RERE: variants seen among roughly 807,000 people sequenced by gnomAD.
RERE encodes the protein arginine-glutamic acid dipeptide repeats protein.
RERE carries 40 observed loss-of-function variants against 146.1 expected under a neutral mutation model. That is an observed-to-expected ratio of 0.27 (90% CI 0.21 to 0.36). RERE has a LOEUF of 0.36. Among genes scored for constraint, RERE ranks in the 10% least tolerant of loss-of-function variants. RERE has a pLI of 1.00. For missense variants in RERE, 1,933 were observed against 2,138.7 expected (o/e 0.90, Z 1.90); for synonymous variants, 1,003 against 866.0 (o/e 1.16, Z -2.78).
chr1:8,802,469 G>A (rs1291814059), intron 1 of RERE, among the ~76,000 whole-genome samples: 1 of 152,214 alleles, frequency 6.6e-6, no homozygotes, highest in Non-Finnish European at 1.5e-5. Context: ...TCCAGGCTCT[G>A]TGCCTTTGCT....
intron 13 of RERE, 108 bp downstream of exon 13, chr1:8,365,704 A>AC: frequency 1.6e-6 from 2 of 1,272,004 alleles, no homozygotes; most frequent in Admixed American, 1.9e-5. Context: ...ACGGGTGCAC[A>AC]CCCCCTCATG....
chr1:8,655,943 T>A, intron 2 of RERE, 30 bp downstream of exon 2: 2 of 1,600,876 alleles, frequency 1.2e-6, no homozygotes, highest in Non-Finnish European at 8.5e-7. Flanking sequence ...ACTGTAAACA[T>A]TGGCAAGACC....
intron 10 of RERE, among the ~76,000 whole-genome samples, chr1:8,468,577 T>C (rs933268022): frequency 6.6e-6 from 1 of 152,168 alleles, no homozygotes; most frequent in African/African-American, 2.4e-5. Flanking sequence ...GTAATTATAC[T>C]GTATGGGGTA....
chr1:8,483,958 A>G (rs925901388), intron 10 of RERE, among the ~76,000 whole-genome samples: 3 of 152,238 alleles, frequency 2.0e-5, no homozygotes, highest in Non-Finnish European at 4.4e-5. Flanking sequence ...AGTTATGTTT[A>G]GTGTTGGTGA....
chr1:8,540,337 T>C (rs1021807228), intron 7 of RERE, among the ~76,000 whole-genome samples: 3 of 152,166 alleles, frequency 2.0e-5, no homozygotes, highest in African/African-American at 7.2e-5. Flanking sequence ...ACTCCTGGGC[T>C]CAAGCGCTCA....
At chr1:8,688,523 T>C (rs1639139710) in intron 1 of RERE, among the ~76,000 whole-genome samples, 1 of 150,836 alleles carries the variant, frequency 6.6e-6, no homozygotes, top group Admixed American at 6.6e-5. Flanking sequence ...ATTGTACCAC[T>C]GCACTCCAGC....
chr1:8,804,505 G>A (rs1222513960), intron 1 of RERE, among the ~76,000 whole-genome samples: 1 of 152,198 alleles, frequency 6.6e-6, no homozygotes, highest in Non-Finnish European at 1.5e-5. Context: ...TTCCTCCAGA[G>A]TAAGAGAACC....
At chr1:8,393,960 AGGCT>A (rs1212691253) in intron 12 of RERE, among the ~76,000 whole-genome samples, 1 of 152,014 alleles carries the variant, frequency 6.6e-6, no homozygotes, top group African/African-American at 2.4e-5. Context: ...TTTGCCATGA[AGGCT>A]GGCCACCTCC....
intron 12 of RERE, 35 bp from the exon 13 acceptor site, chr1:8,366,009 C>G (rs1486784499): frequency 6.2e-7 from 1 of 1,605,568 alleles, no homozygotes; most frequent in African/African-American, 1.3e-5. Context: ...GGGGGAGGGC[C>G]TGGGGCTTTT....
At chr1:8,375,737 C>CTTCCTCACTCAGCAGCCACTGAAAATGT (rs1557597443) in intron 12 of RERE, among the ~76,000 whole-genome samples, 8 of 138,870 alleles carry the variant, frequency 5.8e-5, no homozygotes, top group African/African-American at 8.8e-5. Context: ...ACTGAAAATG[C>CTTCCTCACTCAGCAGCCACTGAAAATGT]TTCCTCACTC....
rs182648977 is a variant in RERE, at chr1:8,682,215, T to C, written c.-144-25774A>G. 6.6e-4 allele frequency among the ~76,000 whole-genome samples: 101 copies of C among 152,326 alleles called. 1 individual carries two copies. Among genetic ancestry groups the C allele is most frequent in the African/African-American group, 2.4e-3 (99 of 41,580 alleles). The stretch of plus-strand genomic sequence containing the variant: ...GAAATGGGACTTGTTCCCTTCTTTA[T>C]ATTATAGGCTGTCTATAACAAAGTC... On this transcript the variant is annotated intron_variant, in intron 1 of 22. Transcript: ENST00000400908.
intron 4 of RERE, among the ~76,000 whole-genome samples, chr1:8,583,046 T>C (rs1646387136): frequency 6.6e-6 from 1 of 152,208 alleles, no homozygotes. Context: ...TCAGTATCTA[T>C]TTCTCCCTCA....
chr1:8,566,320 A>C (rs1199296619), intron 4 of RERE, among the ~76,000 whole-genome samples: 1 of 152,186 alleles, frequency 6.6e-6, no homozygotes, highest in Non-Finnish European at 1.5e-5. Flanking sequence ...GAGGAAAAAT[A>C]AAACAAAATA....
chr1:8,796,913 C>T (rs6577524), intron 1 of RERE, among the ~76,000 whole-genome samples: 132,500 of 152,168 alleles, frequency 0.87, 58,116 homozygotes, highest in African/African-American at 0.97. Context: ...TATGAGCCTC[C>T]GTTGACAACT....
chr1:8,617,015 A>G (rs1444183154), intron 3 of RERE, among the ~76,000 whole-genome samples: 1 of 152,034 alleles, frequency 6.6e-6, no homozygotes, highest in Non-Finnish European at 1.5e-5. Context: ...TAGATATACA[A>G]CCTCCTCTGA....
At chr1:8,677,960 A>G (rs1476800912) in intron 1 of RERE, among the ~76,000 whole-genome samples, 7 of 152,216 alleles carry the variant, frequency 4.6e-5, no homozygotes, top group Admixed American at 4.6e-4. Flanking sequence ...GGTCCCAGAA[A>G]AACTATTTGT....
intron 19 of RERE, 25 bp from the exon 20 acceptor site, chr1:8,358,941 G>A (rs1017893240): frequency 6.6e-7 from 1 of 1,506,024 alleles, no homozygotes; most frequent in South Asian, 1.3e-5. Flanking sequence ...GAAAGCGTGA[G>A]GGGTCCCCCG....
intron 10 of RERE, among the ~76,000 whole-genome samples, chr1:8,472,424 A>C (rs1644701177): frequency 1.3e-5 from 2 of 152,232 alleles, no homozygotes. Context: ...AATGTCCTTT[A>C]ATGTGAATAA....
At chr1:8,686,985 T>C (rs1157793053) in intron 1 of RERE, among the ~76,000 whole-genome samples, 2 of 152,050 alleles carry the variant, frequency 1.3e-5, no homozygotes, top group Non-Finnish European at 2.9e-5. Context: ...CAACAACGGA[T>C]GGATTTAAGA....
Sources: allele counts gnomAD v4.1 joint callset (sites outside exome capture counted in the v4.1 genomes callset), GRCh38; gene constraint gnomAD v4.1.1; transcripts MANE v1.5; gene names NCBI Gene and HGNC (gene_info 2026-07-23, HGNC 2026-07-21).